Variants in CBLB observed in about 807,000 individuals in gnomAD.
CBLB encodes the protein E3 ubiquitin-protein ligase CBL-B.
A neutral mutation model predicts 104.9 loss-of-function variants in CBLB; 31 were observed. The ratio of observed to expected loss-of-function variants is 0.30; its 90% CI spans 0.22 to 0.40. The LOEUF (loss-of-function observed/expected upper bound fraction) is 0.40. Ranked by LOEUF, CBLB falls within the 10% of genes least tolerant of loss-of-function variation. The pLI is 1.00. For missense variants in CBLB, 1,062 were observed against 1,214.6 expected, an observed-to-expected ratio of 0.87 and a Z score of 1.87; for synonymous variants, 440 against 422.6, an observed-to-expected ratio of 1.04 and a Z score of -0.51.
At chr3:105,773,018 C>A (rs1220641077) in intron 4 of CBLB, among the ~76,000 whole-genome samples, 3 of 152,170 alleles carry the variant, frequency 2.0e-5, no homozygotes, top group Non-Finnish European at 2.9e-5. Context: ...GCCATTCAAT[C>A]CAGCAATCCA....
intron 3 of CBLB, among the ~76,000 whole-genome samples, chr3:105,785,250 C>G (rs1164068244): frequency 6.6e-6 from 1 of 151,854 alleles, no homozygotes; most frequent in Non-Finnish European, 1.5e-5. Flanking sequence ...ATTTGCTGAC[C>G]CCAAAACTGT....
intron 18 of CBLB, among the ~76,000 whole-genome samples, chr3:105,669,494 T>C (rs550110229): frequency 1.3e-5 from 2 of 152,290 alleles, no homozygotes; most frequent in South Asian, 2.1e-4. Context: ...GTCTATGGTA[T>C]TGTGTTATAG....
rs553392201 is a variant in CBLB, at chr3:105,808,446, C to G, written c.420-31904G>C. Among the ~76,000 whole-genome samples the G allele has an allele frequency of 8.8e-4, 134 of 152,270 alleles. 1 individual carries two copies. Among genetic ancestry groups the G allele is most frequent in the African/African-American group, 3.1e-3 (130 of 41,576 alleles). ...TCATTCACCTGAAATTCCATCAGGACAAGATCTGTGTTTTCATAATATAAA... is the reference window on the plus strand; with the variant it reads ...TCATTCACCTGAAATTCCATCAGGAGAAGATCTGTGTTTTCATAATATAAA... On this transcript the variant is annotated intron_variant, in intron 3 of 18. Transcript: ENST00000394030.
chr3:105,842,581 T>C (rs1277099285), intron 3 of CBLB, among the ~76,000 whole-genome samples: 1 of 152,062 alleles, frequency 6.6e-6, no homozygotes, highest in Non-Finnish European at 1.5e-5. Context: ...GCTTAAATAA[T>C]ATGGAAGAGA....
At chr3:105,695,359 A>G (rs2068233080) in intron 12 of CBLB, among the ~76,000 whole-genome samples, 1 of 151,818 alleles carries the variant, frequency 6.6e-6, no homozygotes, top group Admixed American at 6.6e-5. Context: ...AAAAATACCA[A>G]TACACTCAAA....
At chr3:105,715,165 T>C (rs1230386165) in intron 10 of CBLB, among the ~76,000 whole-genome samples, 1 of 152,176 alleles carries the variant, frequency 6.6e-6, no homozygotes, top group Non-Finnish European at 1.5e-5. Flanking sequence ...TTAGCTCTGA[T>C]CTGAATGAAG....
intron 10 of CBLB, among the ~76,000 whole-genome samples, chr3:105,708,421 G>T (rs1359993172): frequency 6.6e-6 from 1 of 151,932 alleles, no homozygotes; most frequent in African/African-American, 2.4e-5. Flanking sequence ...AAGTAGCAAA[G>T]GATTCATTTA....
chr3:105,730,570 T>C (rs756462403), intron 9 of CBLB, among the ~76,000 whole-genome samples: 1 of 151,998 alleles, frequency 6.6e-6, no homozygotes, highest in Non-Finnish European at 1.5e-5. Flanking sequence ...ATCCACATTC[T>C]AGAAAGAAAA....
chr3:105,803,926 T>C (rs371026274), intron 3 of CBLB, among the ~76,000 whole-genome samples: 10 of 152,328 alleles, frequency 6.6e-5, no homozygotes, highest in African/African-American at 2.4e-4. Context: ...GAGTGATTTT[T>C]AGGGTAATGT....
intron 3 of CBLB, among the ~76,000 whole-genome samples, chr3:105,831,776 T>C (rs984925921): frequency 6.6e-6 from 1 of 152,104 alleles, no homozygotes; most frequent in African/African-American, 2.4e-5. Context: ...AAAGAAAAAC[T>C]TTTCAGGAAG....
intron 9 of CBLB, among the ~76,000 whole-genome samples, chr3:105,731,547 T>C (rs2074315846): frequency 6.6e-6 from 1 of 152,194 alleles, no homozygotes; most frequent in African/African-American, 2.4e-5. Flanking sequence ...GTAAAATAAA[T>C]ATTTGTTGCT....
intron 3 of CBLB, among the ~76,000 whole-genome samples, chr3:105,780,653 G>GT (rs1245925965): frequency 1.3e-4 from 11 of 84,688 alleles, no homozygotes; most frequent in South Asian, 4.2e-4. Flanking sequence ...TAAAAGTTTT[G>GT]TTTTTTGTTT....
intron 5 of CBLB, 58 bp downstream of exon 5, chr3:105,751,404 G>A: frequency 8.2e-7 from 1 of 1,219,386 alleles, no homozygotes; most frequent in Non-Finnish European, 1.2e-6. Context: ...GAGAAACAGA[G>A]AGAAAAGACA....
chr3:105,712,023 G>C (rs2071183485), intron 10 of CBLB, among the ~76,000 whole-genome samples: 1 of 152,112 alleles, frequency 6.6e-6, no homozygotes, highest in Non-Finnish European at 1.5e-5. Context: ...CTTTAAAGTA[G>C]TGCAGTCTCA....
In CBLB at chr3:105,702,222, C is replaced by G. The variant is rs369987245; in HGVS notation, c.1831G>C (p.Gly611Arg). Residue 611 changes from glycine to arginine, a missense_variant, in exon 12 of 19, where the codon GGG (glycine) becomes CGG (arginine). Gly to Arg is a moderately radical substitution (Grantham distance 125). This residue lies in a region of CBLB where 605 missense variants were observed against 582.6 expected (regional missense o/e 1.04). Coordinates refer to ENST00000394030, the MANE Select transcript of CBLB (RefSeq NM_170662.5). ...ATTCCAGGTTTTGGAGAGCCCTCCC[C>G]TAGGAGTCGACATCCCACAAGCTGA... ...TNQLVGCRLL[G>R]EGSPKPGITA... 1 of 1,613,972 alleles carries G rather than the reference C, an allele frequency of 6.2e-7. No individual in the cohort carries two copies. The highest frequency in any genetic ancestry group is 8.5e-7 in the Non-Finnish European group (1 of 1,180,006).
At chr3:105,770,887 T>C (rs1250252459) in intron 4 of CBLB, among the ~76,000 whole-genome samples, 1 of 152,098 alleles carries the variant, frequency 6.6e-6, no homozygotes, top group East Asian at 1.9e-4. Flanking sequence ...TAACAAGCAG[T>C]GAGACTGAAT....
intron 4 of CBLB, among the ~76,000 whole-genome samples, chr3:105,755,069 G>A (rs1365423140): frequency 3.4e-5 from 5 of 146,568 alleles, no homozygotes. Context: ...ACATGTATGT[G>A]CACATTGTGC....
At chr3:105,676,411 A>C (rs576061973) in intron 17 of CBLB, among the ~76,000 whole-genome samples, 77 of 152,288 alleles carry the variant, frequency 5.1e-4, no homozygotes, top group African/African-American at 1.8e-3. Flanking sequence ...TATTTGTGTA[A>C]AATGTTCTCT....
chr3:105,862,790 T>C (rs2092195709), intron 2 of CBLB, among the ~76,000 whole-genome samples: 1 of 152,092 alleles, frequency 6.6e-6, no homozygotes, highest in South Asian at 2.1e-4. Context: ...CTCAACAATC[T>C]ATCATTCCTT....
Sources: gnomAD v4.1 joint callset for allele counts (sites outside exome capture counted in the v4.1 genomes callset) on GRCh38, gnomAD v4.1.1 for gene constraint, gnomAD v4.1.1 regional missense constraint, MANE v1.5 for transcripts, NCBI Gene and HGNC (gene_info 2026-07-23, HGNC 2026-07-21) for gene names.